Variants in CLXN observed in about 807,000 individuals in gnomAD.
CLXN encodes EF-hand calcium binding domain 1.
chr8:48,735,007 G>T, the CLXN span: 2 of 1,479,488 alleles, frequency 1.4e-6, no homozygotes, highest in Admixed American at 1.8e-5. Context: ...CAGGCGGGAA[G>T]CAGGCACAAC....
the CLXN span, among the ~76,000 whole-genome samples, chr8:48,713,372 G>C: frequency 6.6e-6 from 1 of 152,120 alleles, no homozygotes; most frequent in East Asian, 1.9e-4. Flanking sequence ...CTAAACACTA[G>C]CTGTGAACGA....
chr8:48,715,452 G>A, the CLXN span: 7 of 152,226 alleles, frequency 4.6e-5, no homozygotes, highest in Admixed American at 6.5e-5. Context: ...TGTTGGAAGC[G>A]TTTTATCTGC....
the CLXN span, chr8:48,712,551 T>A: frequency 6.6e-6 from 1 of 152,208 alleles, no homozygotes; most frequent in South Asian, 2.1e-4. Context: ...AGGCTTGAGG[T>A]CCACAGAAAG....
At chr8:48,712,028 T>G in the CLXN span, among the ~76,000 whole-genome samples, 1 of 152,242 alleles carries the variant, frequency 6.6e-6, no homozygotes, top group Non-Finnish European at 1.5e-5. Flanking sequence ...TTTAATTTAT[T>G]CCATTTTCTG....
At chr8:48,718,951 T>C in the CLXN span, among the ~76,000 whole-genome samples, 102 of 150,534 alleles carry the variant, frequency 6.8e-4, 2 homozygotes, top group East Asian at 8.4e-3. Context: ...ATAATAAAGA[T>C]AAAAGCAGAA....
the CLXN span, among the ~76,000 whole-genome samples, chr8:48,727,386 A>C: frequency 0.013 from 2,035 of 152,254 alleles, 53 homozygotes; most frequent in African/African-American, 0.046. Flanking sequence ...AGGTAATAAA[A>C]AGAGCTGCTA....
the CLXN span, among the ~76,000 whole-genome samples, chr8:48,722,268 A>C: frequency 1.3e-5 from 2 of 152,226 alleles, no homozygotes; most frequent in Non-Finnish European, 2.9e-5. Flanking sequence ...TATCACTAAG[A>C]TAAATGATAA....
At chr8:48,735,241 G>A in the CLXN span, 3 of 1,437,710 alleles carry the variant, frequency 2.1e-6, no homozygotes, top group Non-Finnish European at 2.9e-6. Context: ...CCCTGGTGCT[G>A]GGTCAACGCG....
chr8:48,730,682 A>C, the CLXN span: 1 of 1,299,814 alleles, frequency 7.7e-7, no homozygotes, highest in Admixed American at 1.9e-5. Context: ...CCTGTCCTGC[A>C]TAATAACTCT....
At chr8:48,729,673 T>C in the CLXN span, 1 of 1,537,862 alleles carries the variant, frequency 6.5e-7, no homozygotes, top group East Asian at 2.3e-5. Flanking sequence ...CTAGCCCATA[T>C]CTGGCCCACA....
the CLXN span, among the ~76,000 whole-genome samples, chr8:48,725,640 C>A: frequency 6.6e-6 from 1 of 151,936 alleles, no homozygotes; most frequent in Admixed American, 6.6e-5. Context: ...CACGTCTCTA[C>A]TAAAAAATAT....
chr8:48,727,582 AC>A, the CLXN span, among the ~76,000 whole-genome samples: 1 of 152,108 alleles, frequency 6.6e-6, no homozygotes, highest in African/African-American at 2.4e-5. Context: ...TGGAGGAGGC[AC>A]ATGAGCCAGA....
At chr8:48,717,333 A>G in the CLXN span, among the ~76,000 whole-genome samples, 1 of 152,232 alleles carries the variant, frequency 6.6e-6, no homozygotes, top group Non-Finnish European at 1.5e-5. Flanking sequence ...CTATCAGTGG[A>G]TTTCTCAGCA....
At chr8:48,731,283 CACCAA>C in the CLXN span, 1 of 1,488,528 alleles carries the variant, frequency 6.7e-7, no homozygotes, top group Admixed American at 2.2e-5. Flanking sequence ...GATGTCCAAG[CACCAA>C]ACCCTTTTTT....
the CLXN span, chr8:48,715,794 G>A: frequency 2.0e-5 from 3 of 152,236 alleles, no homozygotes; most frequent in African/African-American, 7.2e-5. Flanking sequence ...GTGTGGAAGA[G>A]GTGACTGCTC....
chr8:48,724,685 G>C, the CLXN span: 1 of 1,386,034 alleles, frequency 7.2e-7, no homozygotes, highest in Non-Finnish European at 9.9e-7. Flanking sequence ...GAAAAAATAA[G>C]CAATATGTGT....
the CLXN span, among the ~76,000 whole-genome samples, chr8:48,722,834 T>C: frequency 3.3e-5 from 5 of 152,054 alleles, no homozygotes; most frequent in Admixed American, 2.6e-4. Flanking sequence ...ATTATGCCAT[T>C]TCCAACAACA....
At chr8:48,719,673 C>G in the CLXN span, among the ~76,000 whole-genome samples, 1 of 152,184 alleles carries the variant, frequency 6.6e-6, no homozygotes, top group Non-Finnish European at 1.5e-5. Context: ...ACCTCACTAT[C>G]ATCTCAACAG....
chr8:48,730,978 CTCAAG>C, the CLXN span, among the ~76,000 whole-genome samples: 20 of 152,046 alleles, frequency 1.3e-4, no homozygotes, highest in African/African-American at 4.8e-4. Flanking sequence ...AGTTTTGTTA[CTCAAG>C]TCATTACTTG....
Sources: allele counts gnomAD v4.1 joint callset (sites outside exome capture counted in the v4.1 genomes callset), GRCh38; gene constraint gnomAD v4.1.1; transcripts MANE v1.5; gene names NCBI Gene and HGNC (gene_info 2026-07-23, HGNC 2026-07-21).